CHD6: variants seen among roughly 807,000 people sequenced by gnomAD.
CHD6 encodes ATP-dependent chromatin remodeler CHD6.
In CHD6, 50 loss-of-function variants were observed where a neutral mutation model predicts 276.9. The ratio of observed to expected loss-of-function variants is 0.18; its 90% confidence interval spans 0.14 to 0.23. The LOEUF is 0.23. Ranked by LOEUF, CHD6 falls within the 10% of genes least tolerant of loss-of-function variation. CHD6 has a pLI of 1.00. For synonymous variants in CHD6, 1,173 were observed against 1,229.3 expected (o/e 0.95, Z 0.96); for missense variants, 2,564 against 3,365.8 (o/e 0.76, Z 5.89).
chr20:41,487,111 T>C (rs2043434202), intron 14 of CHD6, among the ~76,000 whole-genome samples: 1 of 152,220 alleles, frequency 6.6e-6, no homozygotes, highest in Non-Finnish European at 1.5e-5. Flanking sequence ...TCAGTTGTTT[T>C]TTATTAGCTT....
At position 41,445,825 on chromosome 20, in the gene CHD6, G is replaced by A. The variant is rs1041974534; in HGVS notation, c.3774-57C>T. On this transcript the variant is annotated intron_variant, in intron 24 of 36. Coordinates refer to ENST00000373233, the MANE Select transcript of CHD6 (RefSeq NM_032221.5). ...CACAAAAGCTACTGGTCCAACCCTG[G>A]TATTAGGCCACAGTCCTACTGGCAT... 105 of 1,063,992 alleles carry A rather than the reference G, an allele frequency of 9.9e-5. 1 individual carries two copies. In the South Asian group the frequency reaches 1.3e-3, roughly 13 times the overall value. 65.9% of individuals were successfully genotyped at this position (1,063,992 alleles called of 1,614,324 possible). A position where few individuals can be genotyped will look rare whatever the true frequency, so the allele number is the denominator to read the frequency against.
rs1353629646 is a variant in CHD6 at position 41,459,170 on chromosome 20, C to T, written c.2665-1742G>A. ...GCCAGAATCCCTGGATATGGAAGCC[C>T]CCACCCATGCCCTGCCCACATTCTT... On this transcript the variant is annotated intron_variant, in intron 17 of 36. Coordinates refer to ENST00000373233, the MANE Select transcript of CHD6 (RefSeq NM_032221.5). Among the ~76,000 whole-genome samples the T allele has an allele frequency of 3.3e-5, 5 of 152,076 alleles. No homozygotes were observed. The East Asian group carries it at 9.6e-4, about 29-fold the overall frequency.
Position 41,405,415 on chromosome 20 carries a change from C to T in CHD6, c.7326G>A (p.Arg2442=), listed in dbSNP as rs752955138. The T allele has an allele frequency of 6.2e-6, 10 of 1,612,420 alleles. No individual in the cohort carries two copies. Among genetic ancestry groups the T allele is most frequent in the South Asian group, 3.3e-5 (3 of 90,950 alleles). ...PILRDTGPRR[R]GRRPRSELLK... Reference sequence around the variant, plus strand: ...GGAGTTCGCTCCGAGGCCGCCTCCCCCTCCTGCGGGGGCCCGTATCTCGAA... The same window carrying T: ...GGAGTTCGCTCCGAGGCCGCCTCCCTCTCCTGCGGGGGCCCGTATCTCGAA... Residue 2442 remains arginine (R), a synonymous_variant, in exon 37 of 37, where the codon AGG becomes AGA. Transcript: ENST00000373233.
intron 24 of CHD6, among the ~76,000 whole-genome samples, chr20:41,446,023 G>A (rs560007345): frequency 2.0e-5 from 3 of 152,296 alleles, no homozygotes; most frequent in Admixed American, 6.5e-5. Context: ...CTTGGAGAAC[G>A]CAATGTCAGT....
intron 23 of CHD6, 35 bp downstream of exon 23, chr20:41,450,911 G>C (rs952919859): frequency 6.3e-7 from 1 of 1,587,418 alleles, no homozygotes; most frequent in South Asian, 1.1e-5. Flanking sequence ...TCTGAGCCGG[G>C]CTGCCACCAG....
intron 1 of CHD6, among the ~76,000 whole-genome samples, chr20:41,602,841 C>T (rs897909181): frequency 9.9e-5 from 15 of 151,984 alleles, no homozygotes; most frequent in East Asian, 3.9e-4. Flanking sequence ...ACCACCACAC[C>T]GGGCTAATTT....
At chr20:41,488,280 TA>T (rs763936830) in intron 13 of CHD6, 147 bp downstream of exon 13, 25 of 704,974 alleles carry the variant, frequency 3.5e-5, no homozygotes, top group Non-Finnish European at 5.1e-5. Flanking sequence ...TCTTAATTCC[TA>T]TACTATTGCA....
intron 2 of CHD6, among the ~76,000 whole-genome samples, chr20:41,550,117 T>C (rs2045121824): frequency 3.9e-5 from 6 of 152,200 alleles, no homozygotes; most frequent in Admixed American, 3.9e-4. Context: ...GTCTTCTTTT[T>C]AACAGCAGCA....
chr20:41,552,780 T>C (rs1253459173), intron 1 of CHD6, among the ~76,000 whole-genome samples: 1 of 152,174 alleles, frequency 6.6e-6, no homozygotes, highest in Non-Finnish European at 1.5e-5. Context: ...TCTACCAAGG[T>C]ACTGCTGTTT....
In CHD6 at chr20:41,421,299, T is replaced by G; in HGVS notation, c.5336A>C (p.His1779Pro). 1 of 1,614,104 alleles carries G rather than the reference T, an allele frequency of 6.2e-7. No homozygotes were observed. The change falls in exon 31 of 37, where the codon CAT (histidine) becomes CCT (proline). Residue 1779 changes from histidine (H) to proline (P), a missense_variant. Physicochemically the swap from His to Pro is moderately conservative, Grantham distance 77. Transcript: ENST00000373233. ...VAQANIKNGKHLLMSISKEGE... is the reference protein window; with the variant it reads ...VAQANIKNGKPLLMSISKEGE... ...TTCCTTTGAAATAGACATCAACAAATGTTTTCCATTTTTGATGTTTGCTTG... is the reference window on the plus strand; with the variant it reads ...TTCCTTTGAAATAGACATCAACAAAGGTTTTCCATTTTTGATGTTTGCTTG...
At chr20:41,445,585 C>T (rs1014888957) in intron 25 of CHD6, 80 bp downstream of exon 25, 18 of 826,174 alleles carry the variant, frequency 2.2e-5, no homozygotes, top group Admixed American at 6.0e-5. Context: ...AGGAACATGC[C>T]GAGCTTAGTT....
intron 1 of CHD6, among the ~76,000 whole-genome samples, chr20:41,618,018 C>G (rs2045952227): frequency 1.4e-5 from 2 of 147,426 alleles, no homozygotes; most frequent in South Asian, 2.1e-4. Flanking sequence ...ACCCCCGCCC[C>G]TGCGCGCGGC....
chr20:41,490,311 A>G (rs1218519963), intron 11 of CHD6, among the ~76,000 whole-genome samples: 1 of 152,158 alleles, frequency 6.6e-6, no homozygotes, highest in Non-Finnish European at 1.5e-5. Context: ...AACATCATAG[A>G]GTGTACCTAC....
chr20:41,477,365 C>T (rs1188325780), intron 16 of CHD6, among the ~76,000 whole-genome samples: 3 of 152,038 alleles, frequency 2.0e-5, no homozygotes, highest in Non-Finnish European at 2.9e-5. Flanking sequence ...TACATAATAT[C>T]TCCCTATATT....
chr20:41,566,400 A>T (rs1023018683), intron 1 of CHD6, among the ~76,000 whole-genome samples: 2 of 152,202 alleles, frequency 1.3e-5, no homozygotes, highest in African/African-American at 4.8e-5. Flanking sequence ...AAAGTCCCAC[A>T]CAATGGTTTG....
At chr20:41,613,008 A>T (rs1360716582) in intron 1 of CHD6, among the ~76,000 whole-genome samples, 1 of 152,130 alleles carries the variant, frequency 6.6e-6, no homozygotes, top group Non-Finnish European at 1.5e-5. Flanking sequence ...AATTTGCTTG[A>T]CTTATTAAGT....
intron 2 of CHD6, among the ~76,000 whole-genome samples, chr20:41,534,851 C>T (rs974341762): frequency 1.3e-5 from 2 of 151,932 alleles, no homozygotes; most frequent in Admixed American, 6.6e-5. Flanking sequence ...ATGCTTTTAC[C>T]ACAATTTTAA....
chr20:41,464,825 G>A (rs551598278), intron 17 of CHD6, among the ~76,000 whole-genome samples: 7 of 152,094 alleles, frequency 4.6e-5, no homozygotes, highest in Non-Finnish European at 5.9e-5. Context: ...GTGGGGGCAC[G>A]AAAAATGTAA....
chr20:41,491,019 T>C (rs1213957288), intron 11 of CHD6, among the ~76,000 whole-genome samples: 1 of 152,056 alleles, frequency 6.6e-6, no homozygotes, highest in African/African-American at 2.4e-5. Flanking sequence ...CTTATAGGAC[T>C]GGAAGTTGCT....
Sources: gnomAD v4.1 joint callset for allele counts (sites outside exome capture counted in the v4.1 genomes callset) on GRCh38, gnomAD v4.1.1 for gene constraint, MANE v1.5 for transcripts, NCBI Gene and HGNC (gene_info 2026-07-23, HGNC 2026-07-21) for gene names.